Variants in SMYD4 observed in about 807,000 individuals in gnomAD.
SMYD4 encodes protein-lysine N-methyltransferase SMYD4.
SMYD4 carries 68 observed loss-of-function variants against 72.8 expected under a neutral mutation model. The ratio of observed to expected loss-of-function variants is 0.93; its 90% confidence interval spans 0.77 to 1.14. The LOEUF is 1.14. Among genes scored for constraint, SMYD4 ranks in the 50% most tolerant of loss-of-function variants. SMYD4 has a pLI of 0.00. For missense variants in SMYD4, 984 were observed against 1,003.7 expected, an observed-to-expected ratio of 0.98 and a Z score of 0.27; for synonymous variants, 407 against 388.6, an observed-to-expected ratio of 1.05 and a Z score of -0.56.
chr17:1,812,291 G>A lies in SMYD4; in HGVS notation c.135-176C>T, dbSNP rs539151937. On this transcript the variant is annotated intron_variant, in intron 2 of 10. Transcript: ENST00000305513. ...AATCTCATAGTCTCAGAGACACAGG[G>A]ACCAGAATTTTTTGAGACAGGGTCT... Among the ~76,000 whole-genome samples the A allele has an allele frequency of 3.9e-5, 6 of 152,206 alleles. No homozygotes were observed. The South Asian group carries it at 1.2e-3, about 32-fold the overall frequency.
In SMYD4 at chr17:1,804,661, G is replaced by A. The variant is rs753581837; in HGVS notation, c.334C>T (p.Arg112Cys). 1.1e-5 allele frequency: 18 copies of A among 1,613,586 alleles called. No individual in the cohort carries two copies. Among genetic ancestry groups the A allele is most frequent in the African/African-American group, 6.7e-5 (5 of 74,896 alleles). ...TEDMSLCHAN[R>C]SAALFHLGQY... ...CCCAGGTGGAAGAGGGCTGCCGAGC[G>A]GTTAGCATGACACAGTGACATGTCC... is the stretch of plus-strand genomic sequence containing the variant. The change falls in exon 4 of 11, where the codon CGC becomes TGC. Residue 112 changes from arginine to cysteine, a missense_variant. By Grantham distance (180) the Arg-to-Cys change is radical. Transcript: ENST00000305513.
intron 6 of SMYD4, 46 bp from the exon 7 acceptor site, chr17:1,787,019 C>A: frequency 1.4e-6 from 2 of 1,416,436 alleles, no homozygotes; most frequent in South Asian, 2.5e-5. Flanking sequence ...AAGAGAGAGT[C>A]AAACACTACG....
chr17:1,809,233 G>C (rs1015999903), intron 3 of SMYD4, among the ~76,000 whole-genome samples: 1 of 152,090 alleles, frequency 6.6e-6, no homozygotes, highest in Admixed American at 6.6e-5. Context: ...ACTGGTGCAA[G>C]AGATTGTCAT....
chr17:1,828,746 G>C (rs1342298185), intron 1 of SMYD4, among the ~76,000 whole-genome samples: 4 of 151,852 alleles, frequency 2.6e-5, no homozygotes, highest in Admixed American at 6.6e-5. Context: ...ACAGATGCGC[G>C]CAACTACGCC....
intron 6 of SMYD4, 103 bp from the exon 7 acceptor site, chr17:1,787,076 T>C: frequency 1.4e-6 from 2 of 1,404,210 alleles, no homozygotes; most frequent in Non-Finnish European, 1.9e-6. Context: ...ACCTATCATG[T>C]GACAGCTAAC....
intron 5 of SMYD4, among the ~76,000 whole-genome samples, chr17:1,795,317 GCTATCTATCTATCTATCTAATCATCTAT>G (rs1260717280): frequency 6.6e-6 from 1 of 151,340 alleles, no homozygotes; most frequent in Non-Finnish European, 1.5e-5. Context: ...TGTCGCCCTG[GCTATCTATCTATCTATCTAATCATCTAT>G]CTATCTATCT....
chr17:1,793,394 A>AT (rs1260192087), intron 5 of SMYD4, among the ~76,000 whole-genome samples: 97 of 142,580 alleles, frequency 6.8e-4, no homozygotes, highest in Middle Eastern at 3.6e-3. Context: ...TCAGCTGAGT[A>AT]TTTTTTTTTT....
chr17:1,809,814 C>T (rs998995588), intron 3 of SMYD4, among the ~76,000 whole-genome samples: 1 of 152,040 alleles, frequency 6.6e-6, no homozygotes, highest in Non-Finnish European at 1.5e-5. Flanking sequence ...GGACTACAGG[C>T]GCCCGCCACC....
At chr17:1,792,976 G>A (rs1174462558) in intron 5 of SMYD4, among the ~76,000 whole-genome samples, 2 of 151,966 alleles carry the variant, frequency 1.3e-5, no homozygotes, top group African/African-American at 4.8e-5. Context: ...CTGTTGCAAT[G>A]GGGTGATCTC....
At chr17:1,806,882 T>C (rs190816971) in intron 3 of SMYD4, among the ~76,000 whole-genome samples, 1 of 152,084 alleles carries the variant, frequency 6.6e-6, no homozygotes, top group Non-Finnish European at 1.5e-5. Flanking sequence ...AAAAATGACA[T>C]ACATACAAGG....
chr17:1,826,571 T>A (rs1328314265), intron 2 of SMYD4, among the ~76,000 whole-genome samples: 5 of 151,278 alleles, frequency 3.3e-5, no homozygotes. Flanking sequence ...ACCCTAACTG[T>A]ACCGAGTATC....
chr17:1,787,595 C>T lies in SMYD4; in HGVS notation c.1547G>A (p.Gly516Glu). The change falls in exon 6 of 11, where the codon GGG becomes GAG. Residue 516 changes from glycine (G) to glutamate (E), a missense_variant. Transcript: ENST00000305513. ...CTGCCTGCTGTCGGTAACGATGCTC[C>T]CTTTAGGTCCTGAAAGGGCAAGAGG... is the stretch of plus-strand genomic sequence containing the variant. ...MTTIQHTGPK[G>E]SIVTDSRQVR... is the part of the protein sequence containing the mutation. The T allele has an allele frequency of 6.3e-7, 1 of 1,585,860 alleles. No individual in the cohort carries two copies. Among genetic ancestry groups the T allele is most frequent in the South Asian group, 1.2e-5 (1 of 86,566 alleles).
chr17:1,810,397 C>A (rs1567782140), intron 3 of SMYD4, among the ~76,000 whole-genome samples: 1 of 152,020 alleles, frequency 6.6e-6, no homozygotes, highest in South Asian at 2.1e-4. Context: ...ATTAGCTGGG[C>A]GTGGTGCCGC....
intron 7 of SMYD4, 110 bp downstream of exon 7, chr17:1,786,700 A>G: frequency 7.7e-7 from 1 of 1,306,998 alleles, no homozygotes; most frequent in Non-Finnish European, 1.1e-6. Context: ...AGGTGATATT[A>G]CTGGTCTCAG....
At chr17:1,814,220 G>T (rs1910471832) in intron 2 of SMYD4, among the ~76,000 whole-genome samples, 1 of 151,866 alleles carries the variant, frequency 6.6e-6, no homozygotes, top group Admixed American at 6.6e-5. Context: ...TGGGAGGACT[G>T]CCTGAGCCCA....
chr17:1,828,599 CTT>C (rs374636473), intron 1 of SMYD4, among the ~76,000 whole-genome samples: 8 of 121,740 alleles, frequency 6.6e-5, no homozygotes, highest in Admixed American at 3.4e-4. Context: ...CTTAGATCCT[CTT>C]TTTTTTTTTT....
intron 5 of SMYD4, among the ~76,000 whole-genome samples, chr17:1,797,630 G>A (rs1403677166): frequency 6.6e-6 from 1 of 152,170 alleles, no homozygotes; most frequent in Non-Finnish European, 1.5e-5. Flanking sequence ...GGAAGGCTGC[G>A]CTGGGCTGGA....
In SMYD4 at chr17:1,812,058, G is replaced by A; in HGVS notation, c.192C>T (p.Asp64=). Reference sequence around the variant, plus strand: ...CTCTGTAGAAAAGAGGAGCGTCCGAGTCCTTTCCCACCAAGTAACCTTTAG... The same window carrying A: ...CTCTGTAGAAAAGAGGAGCGTCCGAATCCTTTCCCACCAAGTAACCTTTAG... ...RLSKGYLVGK[D]SDAPLFYREE... The change falls in exon 3 of 11, where the codon GAC becomes GAT. Residue 64 remains aspartate (D), a synonymous_variant. Transcript: ENST00000305513. 5 of 1,614,094 alleles carry A rather than the reference G, an allele frequency of 3.1e-6. No individual in the cohort carries two copies. Among genetic ancestry groups the A allele is most frequent in the Non-Finnish European group, 4.2e-6 (5 of 1,180,022 alleles).
At chr17:1,803,411 C>T (rs897398339) in intron 4 of SMYD4, among the ~76,000 whole-genome samples, 1 of 152,188 alleles carries the variant, frequency 6.6e-6, no homozygotes, top group African/African-American at 2.4e-5. Context: ...GTATTAGCAG[C>T]AACATGTCAC....
Sources: allele counts gnomAD v4.1 joint callset (sites outside exome capture counted in the v4.1 genomes callset), GRCh38; gene constraint gnomAD v4.1.1; transcripts MANE v1.5; gene names NCBI Gene and HGNC (gene_info 2026-07-23, HGNC 2026-07-21).